DACH1: variants seen among roughly 807,000 people sequenced by gnomAD.
The protein encoded by DACH1 is dachshund family transcription factor 1.
DACH1 carries 12 observed loss-of-function variants against 54.2 expected under a neutral mutation model. That is an observed-to-expected ratio of 0.22 (90% CI 0.14 to 0.36). The LOEUF (loss-of-function observed/expected upper bound fraction) is 0.36. Ranked by LOEUF, DACH1 falls within the 10% of genes least tolerant of loss-of-function variation. DACH1 has a pLI of 1.00. For missense variants in DACH1, 805 were observed against 929.8 expected (o/e 0.87, Z 1.75); for synonymous variants, 386 against 366.2 (o/e 1.05, Z -0.62).
rs528219504 is a variant in DACH1 at position 71,773,293 on chromosome 13, A to G, written c.849-91383T>C. Among the ~76,000 whole-genome samples, 7 of 152,030 alleles carry G rather than the reference A, an allele frequency of 4.6e-5. No homozygotes were observed. In the East Asian group the frequency reaches 1.3e-3, roughly 29 times the overall value. On this transcript the variant is annotated intron_variant, in intron 1 of 10. Coordinates refer to ENST00000613252, the MANE Select transcript of DACH1 (RefSeq NM_080759.6). ...TGTTAATGTTCTTTTATCTAATGAC[A>G]TTTAGTTTAATTTACAGAATCTCTT... is the stretch of plus-strand genomic sequence containing the variant.
At chr13:71,688,811 A>C (rs1045994850) in intron 1 of DACH1, among the ~76,000 whole-genome samples, 9 of 152,204 alleles carry the variant, frequency 5.9e-5, no homozygotes, top group Non-Finnish European at 1.2e-4. Context: ...TGCAAAATAC[A>C]AATGTTCCCT....
At chr13:71,806,497 A>G (rs1008455852) in intron 1 of DACH1, among the ~76,000 whole-genome samples, 11 of 152,176 alleles carry the variant, frequency 7.2e-5, no homozygotes, top group Non-Finnish European at 1.3e-4. Flanking sequence ...TTCTATTTTT[A>G]AATGTTTTTG....
intron 1 of DACH1, among the ~76,000 whole-genome samples, chr13:71,828,150 A>C (rs1888450064): frequency 1.3e-5 from 2 of 152,040 alleles, no homozygotes; most frequent in South Asian, 4.1e-4. Flanking sequence ...CAAGATTTAT[A>C]TATAAATTAG....
intron 10 of DACH1, among the ~76,000 whole-genome samples, chr13:71,466,845 CAAAAAAAA>C (rs55861394): frequency 1.1e-4 from 11 of 99,452 alleles, no homozygotes; most frequent in African/African-American, 3.5e-4. Context: ...CACCCTGTCT[CAAAAAAAA>C]AAAAAAAAAA....
chr13:71,849,980 A>G (rs1873551998), intron 1 of DACH1, among the ~76,000 whole-genome samples: 1 of 152,256 alleles, frequency 6.6e-6, no homozygotes, highest in Non-Finnish European at 1.5e-5. Context: ...GTGTGTACAC[A>G]AAAATGTATA....
At position 71,698,397 on chromosome 13, in the gene DACH1, T is replaced by G. The variant is rs1881940682; in HGVS notation, c.849-16487A>C. Among the ~76,000 whole-genome samples, 7 of 152,278 alleles carry G rather than the reference T, an allele frequency of 4.6e-5. 1 individual carries two copies. In the South Asian group the frequency reaches 1.4e-3, roughly 32 times the overall value. ...TCACTCTGGCAAAGCTAAAACATAC[T>G]GATACGACACTGGTAGAATATAATA... is the stretch of plus-strand genomic sequence containing the variant. On this transcript the variant is annotated intron_variant, in intron 1 of 10. Coordinates refer to ENST00000613252, the MANE Select transcript of DACH1 (RefSeq NM_080759.6).
intron 6 of DACH1, among the ~76,000 whole-genome samples, chr13:71,549,005 C>T (rs544040401): frequency 3.2e-4 from 48 of 152,094 alleles, no homozygotes; most frequent in Middle Eastern, 3.4e-3. Flanking sequence ...ATACACATAA[C>T]CTTCCTCTGT....
Position 71,865,972 on chromosome 13 carries a change from G to T in DACH1, c.798C>A (p.Leu266=). ...GGGTCTCGAAGTCCTTCCTGGAGAT[G>T]AGTTTGCAGCGGTTCACTCCTGGCT... The part of the protein sequence containing the change: ...AIQPGVNRCK[L]ISRKDFETLY... Residue 266 remains leucine (L), a synonymous_variant, in exon 1 of 11, where the codon CTC becomes CTA. Coordinates refer to ENST00000613252, the MANE Select transcript of DACH1 (RefSeq NM_080759.6). The T allele has an allele frequency of 6.2e-7, 1 of 1,613,966 alleles. No individual in the cohort carries two copies. Among genetic ancestry groups the T allele is most frequent in the Non-Finnish European group, 8.5e-7 (1 of 1,179,958 alleles).
At chr13:71,681,158 T>A (rs1880875396) in intron 2 of DACH1, among the ~76,000 whole-genome samples, 1 of 152,160 alleles carries the variant, frequency 6.6e-6, no homozygotes, top group South Asian at 2.1e-4. Context: ...ATAATCTAAT[T>A]AATGAACCCA....
intron 1 of DACH1, among the ~76,000 whole-genome samples, chr13:71,814,637 G>T (rs1406074307): frequency 6.6e-6 from 1 of 152,136 alleles, no homozygotes; most frequent in Non-Finnish European, 1.5e-5. Flanking sequence ...CCAGTTATCT[G>T]TTTTCTGAGC....
At chr13:71,626,274 T>C (rs1876638447) in intron 3 of DACH1, among the ~76,000 whole-genome samples, 1 of 152,034 alleles carries the variant, frequency 6.6e-6, no homozygotes, top group Non-Finnish European at 1.5e-5. Flanking sequence ...AATATTTATA[T>C]ACTATTTAAA....
Position 71,866,204 on chromosome 13 carries a change from T to C in DACH1, c.566A>G (p.Lys189Arg). ...TTTGGCCCCCCTCAGATCCACCATT[T>C]TGCACTCATTATTCTGAGGGGTGTT... is the stretch of plus-strand genomic sequence containing the variant. ...VENTPQNNECKMVDLRGAKVA... is the reference protein window; with the variant it reads ...VENTPQNNECRMVDLRGAKVA... Residue 189 changes from lysine to arginine, a missense_variant, in exon 1 of 11, where the codon AAA (lysine) becomes AGA (arginine). Transcript: ENST00000613252. 1 of 1,612,670 alleles carries C rather than the reference T, an allele frequency of 6.2e-7. No individual in the cohort carries two copies. Among genetic ancestry groups the C allele is most frequent in the South Asian group, 1.1e-5 (1 of 90,906 alleles).
chr13:71,552,920 C>G (rs1744984877), intron 6 of DACH1, among the ~76,000 whole-genome samples: 1 of 142,458 alleles, frequency 7.0e-6, no homozygotes, highest in South Asian at 2.2e-4. Flanking sequence ...GTAGCTCACG[C>G]CCTGTAATCT....
intron 6 of DACH1, among the ~76,000 whole-genome samples, chr13:71,521,761 C>T (rs959185572): frequency 1.3e-5 from 2 of 152,102 alleles, no homozygotes; most frequent in Non-Finnish European, 2.9e-5. Flanking sequence ...AGCCTCTACA[C>T]CATACTTAAG....
At chr13:71,616,360 G>C (rs1875763807) in intron 3 of DACH1, among the ~76,000 whole-genome samples, 1 of 152,208 alleles carries the variant, frequency 6.6e-6, no homozygotes, top group African/African-American at 2.4e-5. Flanking sequence ...GGTCAAACCT[G>C]TCTATACTGG....
intron 3 of DACH1, among the ~76,000 whole-genome samples, chr13:71,593,279 C>G (rs1330528042): frequency 2.0e-5 from 3 of 152,118 alleles, no homozygotes; most frequent in African/African-American, 7.2e-5. Context: ...GATATTAATA[C>G]TCTCTGAAAA....
chr13:71,713,273 T>C (rs1882814883), intron 1 of DACH1, among the ~76,000 whole-genome samples: 1 of 152,094 alleles, frequency 6.6e-6, no homozygotes, highest in African/African-American at 2.4e-5. Context: ...TGTTCCCTAA[T>C]GTCGCTTTGC....
At chr13:71,484,714 A>C (rs1273473357) in intron 7 of DACH1, among the ~76,000 whole-genome samples, 1 of 152,176 alleles carries the variant, frequency 6.6e-6, no homozygotes, top group Non-Finnish European at 1.5e-5. Context: ...TTTTTGTAAC[A>C]AGATAAACAA....
intron 1 of DACH1, among the ~76,000 whole-genome samples, chr13:71,732,846 C>T (rs781353278): frequency 2.0e-5 from 3 of 152,134 alleles, no homozygotes; most frequent in South Asian, 4.1e-4. Flanking sequence ...TTGTCAATCA[C>T]TCCCCTATAG....
Sources: gnomAD v4.1 joint callset for allele counts (sites outside exome capture counted in the v4.1 genomes callset) on GRCh38, gnomAD v4.1.1 for gene constraint, MANE v1.5 for transcripts, NCBI Gene and HGNC (gene_info 2026-07-23, HGNC 2026-07-21) for gene names.